CAMK2A: variants seen among roughly 807,000 people sequenced by gnomAD.
The protein encoded by CAMK2A is calcium/calmodulin-dependent protein kinase type II subunit alpha.
Under a neutral mutation model 79.2 loss-of-function variants are expected in CAMK2A, and 7 were observed. That is an observed-to-expected ratio of 0.09 (90% CI 0.05 to 0.17). The LOEUF (loss-of-function observed/expected upper bound fraction) is 0.17. CAMK2A is among the 10% of genes least tolerant of loss of function. The pLI is 1.00. For missense variants in CAMK2A, 214 were observed against 646.4 expected (o/e 0.33, Z 7.25); for synonymous variants, 242 against 251.7 (o/e 0.96, Z 0.36).
chr5:150,267,284 A>C (rs1756553133), intron 2 of CAMK2A, among the ~76,000 whole-genome samples: 1 of 144,102 alleles, frequency 6.9e-6, no homozygotes, highest in Non-Finnish European at 1.5e-5. Flanking sequence ...CCCCCATCCC[A>C]CCTCCAGCAG....
At chr5:150,252,612 T>A (rs1441781486) in intron 7 of CAMK2A, among the ~76,000 whole-genome samples, 2 of 152,204 alleles carry the variant, frequency 1.3e-5, no homozygotes, top group East Asian at 3.9e-4. Context: ...GGGATTCCTA[T>A]CTTAAGTGCC....
rs899780103 is a variant in CAMK2A at position 150,256,410 on chromosome 5, T to G, written c.411+163A>C. Among the ~76,000 whole-genome samples the G allele has an allele frequency of 2.0e-5, 3 of 152,218 alleles. No individual in the cohort carries two copies. The highest frequency in any genetic ancestry group is 4.4e-5 in the Non-Finnish European group (3 of 68,038). Reference sequence around the variant, plus strand: ...GACGCTCTACCTTCCTGAGCTCTGCTTCCTCATCTGAACAGTGGGGAAAAT... The same window carrying G: ...GACGCTCTACCTTCCTGAGCTCTGCGTCCTCATCTGAACAGTGGGGAAAAT... On this transcript the variant is annotated intron_variant, in intron 6 of 18. Coordinates refer to ENST00000671881, the MANE Select transcript of CAMK2A (RefSeq NM_015981.4). The surrounding 1 kb of genome is among the most constrained non-coding windows in gnomAD (Gnocchi z 4.6).
At chr5:150,246,986 C>T (rs1314369938) in intron 12 of CAMK2A, among the ~76,000 whole-genome samples, 2 of 152,248 alleles carry the variant, frequency 1.3e-5, no homozygotes, top group Non-Finnish European at 2.9e-5. Context: ...GGCCTGCGCT[C>T]CCCAGAAGGA....
At chr5:150,251,118 C>G (rs1755813453) in intron 9 of CAMK2A, among the ~76,000 whole-genome samples, 1 of 152,248 alleles carries the variant, frequency 6.6e-6, no homozygotes, top group Non-Finnish European at 1.5e-5. Flanking sequence ...AGTCCTGGCT[C>G]TGCCTCCTGG....
chr5:150,264,419 G>A (rs978677723), intron 3 of CAMK2A, among the ~76,000 whole-genome samples: 2 of 152,230 alleles, frequency 1.3e-5, no homozygotes, highest in South Asian at 2.1e-4. Context: ...GCCAGGCAGC[G>A]AGGTGTTGTT....
At chr5:150,241,706 C>A (rs1227517159) in intron 13 of CAMK2A, among the ~76,000 whole-genome samples, 1 of 148,300 alleles carries the variant, frequency 6.7e-6, no homozygotes, top group Non-Finnish European at 1.5e-5. Flanking sequence ...CCTCCTTCCT[C>A]TCTTCCTTCT....
At chr5:150,239,591 G>A (rs182231674) in intron 14 of CAMK2A, 113 bp downstream of exon 14, 68 of 919,856 alleles carry the variant, frequency 7.4e-5, no homozygotes, top group East Asian at 3.1e-4. Flanking sequence ...TACCAAGCAC[G>A]CCCTGAGCAC....
intron 1 of CAMK2A, among the ~76,000 whole-genome samples, chr5:150,282,342 G>A (rs1396760528): frequency 6.6e-6 from 1 of 152,218 alleles, no homozygotes; most frequent in African/African-American, 2.4e-5. Context: ...TGTTTTGGCT[G>A]TGCAAGGGTT....
At chr5:150,247,127 T>C (rs1363053820) in intron 12 of CAMK2A, among the ~76,000 whole-genome samples, 1 of 152,250 alleles carries the variant, frequency 6.6e-6, no homozygotes, top group Non-Finnish European at 1.5e-5. Flanking sequence ...ACTCCCTGCC[T>C]TAACCAGCCC....
chr5:150,237,655 A>T (rs1378707706), intron 15 of CAMK2A, among the ~76,000 whole-genome samples: 1 of 152,082 alleles, frequency 6.6e-6, no homozygotes, highest in African/African-American at 2.4e-5. Context: ...GACAGAGTAC[A>T]GGCCAACATA....
chr5:150,239,699 C>G lies in CAMK2A; in HGVS notation c.1017+5G>C. 6.2e-7 allele frequency: 1 copy of G among 1,613,876 alleles called. No individual in the cohort carries two copies. Among genetic ancestry groups the G allele is most frequent in the Non-Finnish European group, 8.5e-7 (1 of 1,179,792 alleles). On this transcript the variant is annotated splice_donor_5th_base_variant and intron_variant, in intron 14 of 18. Coordinates refer to ENST00000671881, the MANE Select transcript of CAMK2A (RefSeq NM_015981.4). ...TACCGGCGTTAGGAGACGGCAGACA[C>G]TCACCATTAACTGAACGCTGGAACT...
chr5:150,236,358 A>G (rs1755058481), intron 15 of CAMK2A, among the ~76,000 whole-genome samples: 1 of 152,256 alleles, frequency 6.6e-6, no homozygotes, highest in African/African-American at 2.4e-5. Flanking sequence ...GCTTCCTGTC[A>G]TTCAACCACG....
chr5:150,250,733 G>T lies in CAMK2A; in HGVS notation c.771C>A (p.Ser257=). 6.2e-7 allele frequency: 1 copy of T among 1,614,140 alleles called. No individual in the cohort carries two copies. The highest frequency in any genetic ancestry group is 8.5e-7 in the Non-Finnish European group (1 of 1,179,998). Residue 257 remains serine (S), a synonymous_variant, in exon 10 of 19, where the codon TCC becomes TCA. Coordinates refer to ENST00000671881, the MANE Select transcript of CAMK2A (RefSeq NM_015981.4). ...LINKMLTINP[S]KRITAAEALK... ...GGGCTTCGGCAGCTGTGATGCGTTT[G>T]GATGGGTTAATGGTCAGCATCTTAT...
chr5:150,249,196 G>T (rs916689195), intron 11 of CAMK2A, among the ~76,000 whole-genome samples: 1 of 152,232 alleles, frequency 6.6e-6, no homozygotes, highest in African/African-American at 2.4e-5. Flanking sequence ...CGTGCTGACG[G>T]CTCCTCTGTT....
chr5:150,226,982 G>C (rs1247492180), intron 17 of CAMK2A, among the ~76,000 whole-genome samples: 1 of 151,628 alleles, frequency 6.6e-6, no homozygotes, highest in African/African-American at 2.4e-5. Context: ...ACATTGGCCA[G>C]GCTGGTCTCA....
At chr5:150,268,974 C>T (rs561402893) in intron 2 of CAMK2A, among the ~76,000 whole-genome samples, 95 of 152,020 alleles carry the variant, frequency 6.2e-4, no homozygotes, top group African/African-American at 2.2e-3. Context: ...CCATGTTGCT[C>T]AGGCTAGTCT....
At chr5:150,266,067 T>C (rs1181600124) in intron 2 of CAMK2A, among the ~76,000 whole-genome samples, 1 of 152,162 alleles carries the variant, frequency 6.6e-6, no homozygotes, top group African/African-American at 2.4e-5. Context: ...GCCACCTCCC[T>C]TTCAGGAGAC....
At chr5:150,287,032 T>G (rs1757451506) in intron 1 of CAMK2A, among the ~76,000 whole-genome samples, 2 of 152,218 alleles carry the variant, frequency 1.3e-5, no homozygotes, top group Admixed American at 1.3e-4. Context: ...CTATGGGTGA[T>G]GAGGGACAGC....
chr5:150,289,833 T>A, upstream of CAMK2A: 1 of 541,972 alleles, frequency 1.8e-6, no homozygotes, highest in East Asian at 3.0e-5. Context: ...CAGGTCCCCA[T>A]GGCAACCACC....
Sources: allele counts gnomAD v4.1 joint callset (sites outside exome capture counted in the v4.1 genomes callset), GRCh38; gene constraint gnomAD v4.1.1; non-coding constraint Gnocchi (gnomAD v3.1); transcripts MANE v1.5; gene names NCBI Gene and HGNC (gene_info 2026-07-23, HGNC 2026-07-21).